Variants in CLEC16A observed in about 807,000 individuals in gnomAD.
CLEC16A encodes the protein C-type lectin domain containing 16A.
A neutral mutation model predicts 109.5 loss-of-function variants in CLEC16A; 51 were observed. The ratio of observed to expected loss-of-function variants is 0.47; its 90% CI spans 0.37 to 0.59. The LOEUF is 0.59. Ranked by LOEUF, CLEC16A falls within the 20% of genes least tolerant of loss-of-function variation. The pLI is 0.00. For missense variants in CLEC16A, 1,339 were observed against 1,394.0 expected (o/e 0.96, Z 0.63); for synonymous variants, 673 against 564.2 (o/e 1.19, Z -2.73).
At chr16:11,140,570 A>G (rs2053777335) in intron 22 of CLEC16A, among the ~76,000 whole-genome samples, 1 of 152,166 alleles carries the variant, frequency 6.6e-6, no homozygotes, top group Non-Finnish European at 1.5e-5. Context: ...CATCCAGCAA[A>G]GAACAAATGC....
At chr16:11,173,818 G>A (rs756547866) in intron 23 of CLEC16A, among the ~76,000 whole-genome samples, 2 of 152,148 alleles carry the variant, frequency 1.3e-5, no homozygotes, top group African/African-American at 2.4e-5. Context: ...TGAGGCTTCC[G>A]ACCAAGACCA....
intron 16 of CLEC16A, 137 bp from the exon 17 acceptor site, chr16:11,047,155 A>T: frequency 1.9e-6 from 1 of 513,936 alleles, no homozygotes; most frequent in Non-Finnish European, 3.3e-6. Flanking sequence ...TGTGCATTTT[A>T]CTTCCTGGTG....
chr16:10,985,019 G>A (rs889389064), intron 10 of CLEC16A, among the ~76,000 whole-genome samples: 7 of 151,932 alleles, frequency 4.6e-5, no homozygotes, highest in African/African-American at 1.7e-4. Context: ...GGCTAACACG[G>A]TGAAACCCCG....
intron 12 of CLEC16A, among the ~76,000 whole-genome samples, chr16:11,022,179 T>A (rs536022291): frequency 1.3e-5 from 2 of 152,218 alleles, no homozygotes; most frequent in Admixed American, 1.3e-4. Flanking sequence ...TCTGCTAGAC[T>A]GTGAGACTGA....
intron 19 of CLEC16A, among the ~76,000 whole-genome samples, chr16:11,104,102 G>A (rs770548705): frequency 1.4e-4 from 21 of 152,114 alleles, no homozygotes; most frequent in Admixed American, 6.5e-4. Context: ...TCCCAGAGGT[G>A]AGTTTTGTTT....
intron 14 of CLEC16A, chr16:11,041,663 A>G (rs2047342730): frequency 6.6e-6 from 1 of 152,516 alleles, no homozygotes; most frequent in Admixed American, 6.5e-5. Flanking sequence ...GAGGTGGCCG[A>G]TATAGATTAT....
At chr16:10,995,923 A>G (rs1209240352) in intron 10 of CLEC16A, among the ~76,000 whole-genome samples, 1 of 152,190 alleles carries the variant, frequency 6.6e-6, no homozygotes, top group Non-Finnish European at 1.5e-5. Flanking sequence ...GAGAGCCTGG[A>G]AGGGTCTTCT....
At chr16:11,042,852 AC>A in intron 15 of CLEC16A, among the ~76,000 whole-genome samples, 1 of 150,946 alleles carries the variant, frequency 6.6e-6, no homozygotes, top group African/African-American at 2.4e-5. Context: ...CTGTGCACAC[AC>A]ACACACATAT....
chr16:11,049,153 G>A (rs572638809), intron 17 of CLEC16A, among the ~76,000 whole-genome samples: 14 of 152,006 alleles, frequency 9.2e-5, no homozygotes, highest in African/African-American at 2.9e-4. Context: ...GATTACAGGC[G>A]CCCACTACTA....
chr16:10,944,803 T>C lies in CLEC16A; in HGVS notation c.80+6T>C. Reference sequence around the variant, plus strand: ...CACTCCTTGGACCACCTCAAGTGAGTGTGGGGGGCGTAGCGGGAGGCCTCG... The same window carrying C: ...CACTCCTTGGACCACCTCAAGTGAGCGTGGGGGGCGTAGCGGGAGGCCTCG... On this transcript the variant is annotated splice_donor_region_variant and intron_variant, in intron 1 of 23. Coordinates refer to ENST00000409790, the MANE Select transcript of CLEC16A (RefSeq NM_015226.3). 2.5e-6 allele frequency: 4 copies of C among 1,601,768 alleles called. No homozygotes were observed. The highest frequency in any genetic ancestry group is 3.4e-6 in the Non-Finnish European group (4 of 1,174,026).
chr16:11,069,189 A>G (rs1367979119), intron 19 of CLEC16A, among the ~76,000 whole-genome samples: 2 of 152,022 alleles, frequency 1.3e-5, no homozygotes, highest in Non-Finnish European at 2.9e-5. Context: ...GTACAGTGGT[A>G]TAATCACGGC....
chr16:11,113,408 C>G (rs376206986), intron 19 of CLEC16A, among the ~76,000 whole-genome samples: 18 of 152,250 alleles, frequency 1.2e-4, no homozygotes, highest in African/African-American at 3.9e-4. Context: ...GCCTGTAATT[C>G]CAGCACTTTG....
rs144060723 is a variant in CLEC16A, at chr16:11,046,585, G to A, written c.1816-707G>A. ...TGAGTGCTCACACTGACCCAACCCT[G>A]AACGAGTGACAGGTTCTGTGCCTCC... On this transcript the variant is annotated intron_variant, in intron 16 of 23. Transcript: ENST00000409790. Among the ~76,000 whole-genome samples, 19 of 152,272 alleles carry A rather than the reference G, an allele frequency of 1.2e-4. 1 individual carries two copies. The East Asian group carries it at 3.5e-3, about 28-fold the overall frequency.
intron 19 of CLEC16A, chr16:11,071,000 C>A (rs906550759): frequency 1.3e-5 from 2 of 152,242 alleles, no homozygotes; most frequent in Non-Finnish European, 2.9e-5. Flanking sequence ...CAGGATCCAA[C>A]TTCCTAGCAT....
chr16:11,085,084 C>CT lies in CLEC16A; in HGVS notation c.2116+24064dup, dbSNP rs2049937317. On this transcript the variant is annotated intron_variant, in intron 19 of 23. Coordinates refer to ENST00000409790, the MANE Select transcript of CLEC16A (RefSeq NM_015226.3). ...AAGGGAGCCAGCACCAGAAGCCCCT[C>CT]TTCCCCAGGAGCCTGTCGTTGTCTG... is the stretch of plus-strand genomic sequence containing the variant. Among the ~76,000 whole-genome samples, 5 of 152,350 alleles carry CT rather than the reference C, an allele frequency of 3.3e-5. No homozygotes were observed. In the South Asian group the frequency reaches 1.0e-3, roughly 32 times the overall value.
chr16:11,177,449 A>G (rs910975480), intron 23 of CLEC16A, among the ~76,000 whole-genome samples: 1 of 152,048 alleles, frequency 6.6e-6, no homozygotes. Context: ...AAAATACAAA[A>G]ATTAGCCGGA....
In CLEC16A at chr16:11,063,590, G is replaced by A. The variant is rs546756893; in HGVS notation, c.2116+2568G>A. On this transcript the variant is annotated intron_variant, in intron 19 of 23. Coordinates refer to ENST00000409790, the MANE Select transcript of CLEC16A (RefSeq NM_015226.3). ...TCTCCAAACAGCAGGAAGAGGTGGCGTAAAGTGTATTCACTGCCCCTTGTC... is the reference window on the plus strand; with the variant it reads ...TCTCCAAACAGCAGGAAGAGGTGGCATAAAGTGTATTCACTGCCCCTTGTC... Among the ~76,000 whole-genome samples the A allele has an allele frequency of 5.3e-5, 8 of 152,214 alleles. No homozygotes were observed. The South Asian group carries it at 1.2e-3, about 24-fold the overall frequency.
intron 14 of CLEC16A, chr16:11,041,258 A>G (rs2047319720): frequency 6.6e-6 from 1 of 152,232 alleles, no homozygotes; most frequent in African/African-American, 2.4e-5. Context: ...ACCTATATAA[A>G]GTGTTCGGCA....
intron 6 of CLEC16A, 29 bp from the exon 7 acceptor site, chr16:10,972,909 C>G (rs766250591): frequency 6.6e-7 from 1 of 1,521,144 alleles, no homozygotes; most frequent in South Asian, 1.3e-5. Context: ...GGTAGCTTGA[C>G]TTTTTTTTTC....
Sources: allele counts gnomAD v4.1 joint callset (sites outside exome capture counted in the v4.1 genomes callset), GRCh38; gene constraint gnomAD v4.1.1; transcripts MANE v1.5; gene names NCBI Gene and HGNC (gene_info 2026-07-23, HGNC 2026-07-21).